PRUNE2: variants seen among roughly 807,000 people sequenced by gnomAD.
The protein encoded by PRUNE2 is protein prune homolog 2.
A neutral mutation model predicts 252.0 loss-of-function variants in PRUNE2; 164 were observed. The ratio of observed to expected loss-of-function variants is 0.65; its 90% confidence interval spans 0.57 to 0.74. PRUNE2 has a LOEUF of 0.74. Ranked by LOEUF, PRUNE2 falls within the 30% of genes least tolerant of loss-of-function variation. The pLI, the probability that PRUNE2 is intolerant of heterozygous loss-of-function variation, is 0.00. For missense variants in PRUNE2, 3,495 were observed against 3,711.0 expected, an observed-to-expected ratio of 0.94 and a Z score of 1.51; for synonymous variants, 1,292 against 1,350.2, an observed-to-expected ratio of 0.96 and a Z score of 0.94.
At chr9:76,701,996 T>C (rs973540080) in intron 9 of PRUNE2, among the ~76,000 whole-genome samples, 25 of 152,054 alleles carry the variant, frequency 1.6e-4, no homozygotes, top group African/African-American at 6.0e-4. Context: ...CTTGACTCAC[T>C]GTGGGTATGT....
At chr9:76,779,841 G>A (rs1339747874) in intron 6 of PRUNE2, 1 of 152,174 alleles carries the variant, frequency 6.6e-6, no homozygotes, top group Non-Finnish European at 1.5e-5. Context: ...ATCACCATAT[G>A]TCAATATAAT....
At chr9:76,636,972 A>AGTGTGTGTGTGTGTGTGTGTGT (rs367745600) in intron 14 of PRUNE2, among the ~76,000 whole-genome samples, 2 of 131,470 alleles carry the variant, frequency 1.5e-5, no homozygotes, top group Non-Finnish European at 3.2e-5. Flanking sequence ...CAACAACAAA[A>AGTGTGTGTGTGTGTGTGTGTGT]ATGTGTGTGT....
At chr9:76,624,546 C>T (rs1833851912) in intron 16 of PRUNE2, 56 bp from the exon 17 acceptor site, 1 of 1,261,590 alleles carries the variant, frequency 7.9e-7, no homozygotes, top group Non-Finnish European at 1.0e-6. Flanking sequence ...GCAAGCACAG[C>T]ATGAGACAGT....
At chr9:76,805,457 C>T (rs887347754) in intron 6 of PRUNE2, among the ~76,000 whole-genome samples, 9 of 152,086 alleles carry the variant, frequency 5.9e-5, no homozygotes, top group Non-Finnish European at 8.8e-5. Context: ...CTCATCCCTA[C>T]AAATAATTTT....
intron 1 of PRUNE2, among the ~76,000 whole-genome samples, chr9:76,860,523 T>A (rs549989520): frequency 6.6e-6 from 1 of 152,326 alleles, no homozygotes; most frequent in East Asian, 1.9e-4. Context: ...ACTGTTATCA[T>A]TTCTGCAACG....
chr9:76,650,220 A>G (rs1358622171), intron 11 of PRUNE2, among the ~76,000 whole-genome samples: 1 of 150,976 alleles, frequency 6.6e-6, no homozygotes, highest in Non-Finnish European at 1.5e-5. Context: ...TGAATTATAT[A>G]ATATAATGAG....
chr9:76,784,147 G>A (rs1479405977), intron 6 of PRUNE2: 1 of 152,208 alleles, frequency 6.6e-6, no homozygotes, highest in Non-Finnish European at 1.5e-5. Flanking sequence ...CCGCCATCTT[G>A]GGTCATCGAT....
chr9:76,768,536 C>T (rs1041645158), intron 6 of PRUNE2, among the ~76,000 whole-genome samples: 1 of 150,984 alleles, frequency 6.6e-6, no homozygotes, highest in African/African-American at 2.4e-5. Context: ...GCACCTAGAA[C>T]GTTCTCTGGG....
At position 76,803,088 on chromosome 9, in the gene PRUNE2, G is replaced by A. The variant is rs1464047739; in HGVS notation, c.756+20544C>T. ...ATCTAACTTCTGACAGCCTCAGATA[G>A]TCAAAATCAAGAAGGTTTTCAAGGA... is the stretch of plus-strand genomic sequence containing the variant. On this transcript the variant is annotated intron_variant, in intron 6 of 18. Transcript: ENST00000376718. Among the ~76,000 whole-genome samples the A allele has an allele frequency of 7.2e-5, 11 of 152,170 alleles. No individual in the cohort carries two copies. In the East Asian group the frequency reaches 1.9e-3, roughly 27 times the overall value.
chr9:76,885,007 G>A (rs2062007182), intron 1 of PRUNE2, among the ~76,000 whole-genome samples: 1 of 152,220 alleles, frequency 6.6e-6, no homozygotes, highest in African/African-American at 2.4e-5. Context: ...CAGAATCACT[G>A]AAGAGGTGTG....
Position 76,897,483 on chromosome 9 carries a change from G to A in PRUNE2, c.36+8445C>T, listed in dbSNP as rs1008193897. Reference sequence around the variant, plus strand: ...GGAAGGAGTGCAGAGGCATGATCTCGGCTCACTGCAACCTCCACCTCCCTG... The same window carrying A: ...GGAAGGAGTGCAGAGGCATGATCTCAGCTCACTGCAACCTCCACCTCCCTG... On this transcript the variant is annotated intron_variant, in intron 1 of 18. Coordinates refer to ENST00000376718, the MANE Select transcript of PRUNE2 (RefSeq NM_015225.3). 9.8e-5 allele frequency among the ~76,000 whole-genome samples: 13 copies of A among 132,784 alleles called. 1 individual carries two copies. The South Asian group carries it at 1.7e-3, about 17-fold the overall frequency. The allele number at this position is 132,784 out of a possible 152,430, so 87.1% of individuals were successfully genotyped here.
At chr9:76,854,608 T>A (rs1199393322) in intron 1 of PRUNE2, among the ~76,000 whole-genome samples, 3 of 152,244 alleles carry the variant, frequency 2.0e-5, no homozygotes, top group African/African-American at 7.2e-5. Flanking sequence ...GTGTCTGGCA[T>A]GCAACATAAG....
intron 6 of PRUNE2, among the ~76,000 whole-genome samples, chr9:76,715,590 G>A (rs554806087): frequency 5.4e-4 from 82 of 152,310 alleles, no homozygotes; most frequent in African/African-American, 1.7e-3. Flanking sequence ...AGTCATATGC[G>A]TTTGGAACAT....
intron 6 of PRUNE2, among the ~76,000 whole-genome samples, chr9:76,817,154 T>G (rs1372538360): frequency 6.6e-6 from 1 of 152,154 alleles, no homozygotes; most frequent in African/African-American, 2.4e-5. Flanking sequence ...GTCTAGGCTG[T>G]CTGACACCCT....
At chr9:76,861,190 A>C (rs2060526783) in intron 1 of PRUNE2, among the ~76,000 whole-genome samples, 1 of 152,160 alleles carries the variant, frequency 6.6e-6, no homozygotes, top group African/African-American at 2.4e-5. Flanking sequence ...CCCCCTCTGC[A>C]GCTCTGCTGT....
chr9:76,853,237 A>C (rs981377467), intron 2 of PRUNE2, among the ~76,000 whole-genome samples: 2 of 152,190 alleles, frequency 1.3e-5, no homozygotes, highest in African/African-American at 4.8e-5. Context: ...CCCACAGCTC[A>C]TTCTGGAAGA....
At chr9:76,629,983 C>G (rs1369105087) in intron 15 of PRUNE2, among the ~76,000 whole-genome samples, 2 of 152,128 alleles carry the variant, frequency 1.3e-5, no homozygotes, top group Non-Finnish European at 2.9e-5. Context: ...TAAGTGTTTA[C>G]CCAAGGTCTC....
At position 76,642,430 on chromosome 9, in the gene PRUNE2, C is replaced by T. The variant is rs184414326; in HGVS notation, c.8728+2309G>A. Among the ~76,000 whole-genome samples the T allele has an allele frequency of 1.2e-3, 181 of 152,258 alleles. 1 individual carries two copies. Among genetic ancestry groups the T allele is most frequent in the African/African-American group, 4.1e-3 (172 of 41,544 alleles). On this transcript the variant is annotated intron_variant, in intron 12 of 18. Coordinates refer to ENST00000376718, the MANE Select transcript of PRUNE2 (RefSeq NM_015225.3). ...TTATTCAAATACTGCCATCATGCAC[C>T]AATATTCTCAACAGGTAGGACACCT...
At chr9:76,754,413 T>G (rs2050915219) in intron 6 of PRUNE2, among the ~76,000 whole-genome samples, 1 of 152,234 alleles carries the variant, frequency 6.6e-6, no homozygotes, top group East Asian at 1.9e-4. Flanking sequence ...CTATCATGTC[T>G]TAGGTCCTAA....
Sources: gnomAD v4.1 joint callset for allele counts (sites outside exome capture counted in the v4.1 genomes callset) on GRCh38, gnomAD v4.1.1 for gene constraint, MANE v1.5 for transcripts, NCBI Gene and HGNC (gene_info 2026-07-23, HGNC 2026-07-21) for gene names.